Variants in ADGRA3 observed in about 807,000 individuals in gnomAD.
ADGRA3 encodes adhesion G protein-coupled receptor A3.
In ADGRA3, 56 loss-of-function variants were observed where a neutral mutation model predicts 119.8. The observed-to-expected ratio is 0.47, with a 90% CI of 0.38 to 0.58. The LOEUF is 0.58. Among genes scored for constraint, ADGRA3 ranks in the 20% least tolerant of loss-of-function variants. The pLI is 0.00. For synonymous variants in ADGRA3, 607 were observed against 623.8 expected (o/e 0.97, Z 0.40); for missense variants, 1,516 against 1,649.0 (o/e 0.92, Z 1.40).
intron 10 of ADGRA3, among the ~76,000 whole-genome samples, chr4:22,432,181 G>C (rs1260883151): frequency 6.6e-6 from 1 of 151,954 alleles, no homozygotes; most frequent in Admixed American, 6.6e-5. Flanking sequence ...GCTGTTACAG[G>C]GGTTCTCAAA....
intron 7 of ADGRA3, among the ~76,000 whole-genome samples, chr4:22,440,851 TA>T (rs1237834919): frequency 2.0e-5 from 3 of 152,300 alleles, no homozygotes; most frequent in South Asian, 2.1e-4. Flanking sequence ...ATCGCTACAG[TA>T]AAACTAGTGT....
At chr4:22,499,322 A>T (rs1718968102) in intron 1 of ADGRA3, among the ~76,000 whole-genome samples, 1 of 152,248 alleles carries the variant, frequency 6.6e-6, no homozygotes, top group South Asian at 2.1e-4. Context: ...CAGTAAAGAC[A>T]GCCTAGTTCA....
chr4:22,456,495 AG>A (rs1351800061), intron 3 of ADGRA3, among the ~76,000 whole-genome samples: 1 of 152,142 alleles, frequency 6.6e-6, no homozygotes, highest in Non-Finnish European at 1.5e-5. Context: ...GTTGGACATC[AG>A]GCTACAGGTT....
At chr4:22,450,518 A>G (rs71608917) in intron 4 of ADGRA3, among the ~76,000 whole-genome samples, 6,104 of 152,228 alleles carry the variant, frequency 0.04, 198 homozygotes, top group East Asian at 0.18. Flanking sequence ...CGCTTGCCTC[A>G]GCCTCCAAAG....
chr4:22,475,315 C>T (rs2109124040), intron 1 of ADGRA3, among the ~76,000 whole-genome samples: 1 of 152,276 alleles, frequency 6.6e-6, no homozygotes, highest in East Asian at 1.9e-4. Flanking sequence ...TTCCTTGGTT[C>T]TAAGACACAG....
At chr4:22,463,516 G>A (rs1023955704) in intron 2 of ADGRA3, among the ~76,000 whole-genome samples, 21 of 152,146 alleles carry the variant, frequency 1.4e-4, no homozygotes, top group Non-Finnish European at 2.5e-4. Context: ...AAATCAGAAA[G>A]CAGCGGGCAT....
rs1337231431 is a variant in ADGRA3, at chr4:22,389,156, G to A, written c.2655C>T (p.Pro885=). 1.9e-6 allele frequency: 3 copies of A among 1,613,510 alleles called. No individual in the cohort carries two copies. Among genetic ancestry groups the A allele is most frequent in the Non-Finnish European group, 2.5e-6 (3 of 1,179,622 alleles). The part of the protein sequence containing the change: ...LRFYLIGGGI[P]IIVCGITAAA... ...CTGCAGTTATGCCGCAAACAATGAT[G>A]GGGATACCACCACCAATCAGGTAAA... The change falls in exon 18 of 19, where the codon CCC becomes CCT. Residue 885 remains proline, a synonymous_variant. Coordinates refer to ENST00000334304, the MANE Select transcript of ADGRA3 (RefSeq NM_145290.4).
intron 1 of ADGRA3, among the ~76,000 whole-genome samples, chr4:22,480,924 C>T (rs1208445319): frequency 6.6e-6 from 1 of 151,934 alleles, no homozygotes; most frequent in East Asian, 1.9e-4. Flanking sequence ...GCCTGTAATC[C>T]CAGTGCTTTG....
rs1333665906 is a variant in ADGRA3 at position 22,388,490 on chromosome 4, A to G, written c.3181T>C (p.Cys1061Arg). 6.2e-7 allele frequency: 1 copy of G among 1,614,134 alleles called. No individual in the cohort carries two copies. Among genetic ancestry groups the G allele is most frequent in the South Asian group, 1.1e-5 (1 of 91,086 alleles). ...GAATACGAGCTCCGTCCTGGGCAGC[A>G]AGTCATGATCCACGCAAGTCTAACA... is the stretch of plus-strand genomic sequence containing the variant. ...EDVRLAWIMTCCPGRSSYSVQ... is the reference protein window; with the variant it reads ...EDVRLAWIMTRCPGRSSYSVQ... The change falls in exon 19 of 19, where the codon TGC becomes CGC. Residue 1061 changes from cysteine (C) to arginine (R), a missense_variant. By Grantham distance (180) the Cys-to-Arg change is radical. Transcript: ENST00000334304.
intron 1 of ADGRA3, among the ~76,000 whole-genome samples, chr4:22,475,220 G>T (rs1481367301): frequency 6.6e-6 from 1 of 152,100 alleles, no homozygotes; most frequent in African/African-American, 2.4e-5. Context: ...AAAATGGGAA[G>T]AATAAAATCT....
intron 17 of ADGRA3, among the ~76,000 whole-genome samples, chr4:22,390,499 G>T (rs1714094368): frequency 6.7e-6 from 1 of 149,714 alleles, no homozygotes; most frequent in African/African-American, 2.5e-5. Flanking sequence ...AACTTTCCTT[G>T]AACTACCACT....
chr4:22,401,105 T>C (rs1319481250), intron 16 of ADGRA3, among the ~76,000 whole-genome samples: 1 of 152,218 alleles, frequency 6.6e-6, no homozygotes, highest in Admixed American at 6.5e-5. Flanking sequence ...AAAATTCTAC[T>C]ATCAGAAAAT....
At chr4:22,396,504 A>G (rs1714360587) in intron 16 of ADGRA3, among the ~76,000 whole-genome samples, 1 of 152,180 alleles carries the variant, frequency 6.6e-6, no homozygotes, top group Non-Finnish European at 1.5e-5. Flanking sequence ...TTAAGCCCCT[A>G]CTAGGTTAAG....
At chr4:22,440,003 C>T (rs1716548510) in intron 7 of ADGRA3, among the ~76,000 whole-genome samples, 1 of 152,074 alleles carries the variant, frequency 6.6e-6, no homozygotes, top group South Asian at 2.1e-4. Flanking sequence ...TCTTAAATAA[C>T]AACTACTTCT....
chr4:22,388,971 G>A (rs201303246), intron 18 of ADGRA3, 24 bp from the exon 19 acceptor site: 373 of 1,610,280 alleles, frequency 2.3e-4, no homozygotes, highest in Middle Eastern at 2.0e-3. Context: ...TGGTAAACCA[G>A]ATCGATGCTA....
intron 1 of ADGRA3, among the ~76,000 whole-genome samples, chr4:22,499,724 G>A (rs73247117): frequency 0.026 from 3,933 of 152,202 alleles, 87 homozygotes; most frequent in Non-Finnish European, 0.038. Flanking sequence ...AAGAAAGACC[G>A]TATAATAAAT....
chr4:22,389,830 A>G (rs923478700), intron 17 of ADGRA3, among the ~76,000 whole-genome samples: 1 of 151,464 alleles, frequency 6.6e-6, no homozygotes, highest in Non-Finnish European at 1.5e-5. Context: ...ACAAAGAAAA[A>G]CTCTGTGCTC....
At chr4:22,391,836 G>C (rs1714145955) in intron 17 of ADGRA3, among the ~76,000 whole-genome samples, 1 of 152,092 alleles carries the variant, frequency 6.6e-6, no homozygotes, top group South Asian at 2.1e-4. Flanking sequence ...CATGATCACA[G>C]TAAAGTTCAC....
chr4:22,455,843 G>A (rs1329599284), intron 3 of ADGRA3: 3 of 1,286,852 alleles, frequency 2.3e-6, no homozygotes, highest in Non-Finnish European at 3.0e-6. Context: ...ATTGTTTTCA[G>A]TGGACTTAGC....
Sources: gnomAD v4.1 joint callset for allele counts (sites outside exome capture counted in the v4.1 genomes callset) on GRCh38, gnomAD v4.1.1 for gene constraint, MANE v1.5 for transcripts, NCBI Gene and HGNC (gene_info 2026-07-23, HGNC 2026-07-21) for gene names.